The following SCNN1B variants were observed in gnomAD, a reference collection of about 807,000 sequenced individuals.
SCNN1B encodes the protein sodium channel epithelial 1 subunit beta.
Under a neutral mutation model 65.3 loss-of-function variants are expected in SCNN1B, and 46 were observed. That is an observed-to-expected ratio of 0.70 (90% CI 0.56 to 0.90). SCNN1B has a LOEUF of 0.90. Among genes scored for constraint, SCNN1B ranks in the 40% least tolerant of loss-of-function variants. The pLI is 0.00. For synonymous variants in SCNN1B, 349 were observed against 330.6 expected (o/e 1.06, Z -0.60); for missense variants, 751 against 830.5 (o/e 0.90, Z 1.18).
chr16:23,377,418 C>T (rs1178029405), intron 10 of SCNN1B, 32 bp downstream of exon 10: 4 of 1,611,034 alleles, frequency 2.5e-6, no homozygotes, highest in Non-Finnish European at 2.5e-6. Flanking sequence ...CTCCTGGCTC[C>T]CACCTTTGGC....
intron 4 of SCNN1B, 46 bp downstream of exon 4, chr16:23,355,535 G>C: frequency 1.3e-6 from 2 of 1,593,936 alleles, no homozygotes; most frequent in Non-Finnish European, 1.7e-6. Context: ...GGCACCGAGA[G>C]ACAGTGGCAT....
chr16:23,320,329 C>T lies in SCNN1B; in HGVS notation c.-9+17892C>T, dbSNP rs770400906. ...AGGATTTCCCTTTCTAACAAGCTCT[C>T]GGGTGATGCTGTTTCAGCCAATCTG... On this transcript the variant is annotated intron_variant, in intron 1 of 12. Transcript: ENST00000343070. Among the ~76,000 whole-genome samples, 7 of 152,246 alleles carry T rather than the reference C, an allele frequency of 4.6e-5. No homozygotes were observed. The Middle Eastern group carries it at 0.01, about 222-fold the overall frequency.
rs1266490604 is a variant in SCNN1B, at chr16:23,286,517, G to A, written n.178+2713G>A. 2.6e-5 allele frequency among the ~76,000 whole-genome samples: 4 copies of A among 152,352 alleles called. No homozygotes were observed. In the East Asian group the frequency reaches 7.7e-4, roughly 29 times the overall value. ...CCTTTCATTTTGAGCTTTCTGGTGTGATGCAAGAGCATACTTATAACACCA... is the reference window on the plus strand; with the variant it reads ...CCTTTCATTTTGAGCTTTCTGGTGTAATGCAAGAGCATACTTATAACACCA... On this transcript the variant is annotated intron_variant and non_coding_transcript_variant, in intron 2 of 3. Coordinates refer to the SCNN1B transcript ENST00000569789.
At chr16:23,365,449 GAGA>G (rs148863960) in intron 4 of SCNN1B, among the ~76,000 whole-genome samples, 5,039 of 140,530 alleles carry the variant, frequency 0.036, 283 homozygotes, top group African/African-American at 0.13. Flanking sequence ...AAGAAAGAAA[GAGA>G]AGGAGAAAGA....
chr16:23,308,417 G>A (rs1961266640), intron 1 of SCNN1B, among the ~76,000 whole-genome samples: 2 of 151,964 alleles, frequency 1.3e-5, no homozygotes, highest in South Asian at 2.1e-4. Flanking sequence ...TAGCTACTCT[G>A]GAGGCTGAGG....
At chr16:23,314,185 A>G (rs1403537057) in intron 1 of SCNN1B, among the ~76,000 whole-genome samples, 2 of 151,900 alleles carry the variant, frequency 1.3e-5, no homozygotes, top group Non-Finnish European at 2.9e-5. Context: ...ACGGCCAGCT[A>G]ACTTTTTTAT....
chr16:23,377,365 C>G lies in SCNN1B; in HGVS notation c.1383C>G (p.Asp461Glu), dbSNP rs759662463. Residue 461 changes from aspartate to glutamate, a missense_variant, in exon 10 of 13, where the codon GAC (aspartate) becomes GAG (glutamate). By Grantham distance (45) the Asp-to-Glu change is conservative. Coordinates refer to ENST00000343070, the MANE Select transcript of SCNN1B (RefSeq NM_000336.3). The stretch of plus-strand genomic sequence containing the variant: ...ACAAGATGACCATCTCCATGGCTGA[C>G]TGGCCTTCTGAGGCCTCCGAGGTGA... ...TQYKMTISMA[D>E]WPSEASEDWI... 9 of 1,614,224 alleles carry G rather than the reference C, an allele frequency of 5.6e-6. No individual in the cohort carries two copies. In the South Asian group the frequency reaches 9.9e-5, roughly 18 times the overall value.
At position 23,380,671 on chromosome 16, in the gene SCNN1B, G is replaced by A; in HGVS notation, c.1793G>A (p.Ser598Asn). ...TTCCAGCCTGACACGGCCCCCCGCAGCCCCAACACTGGGCCCTACCCCAGT... is the reference window on the plus strand; with the variant it reads ...TTCCAGCCTGACACGGCCCCCCGCAACCCCAACACTGGGCCCTACCCCAGT... ...FGFQPDTAPRSPNTGPYPSEQ... is the reference protein window; with the variant it reads ...FGFQPDTAPRNPNTGPYPSEQ... Residue 598 changes from serine to asparagine, a missense_variant, in exon 13 of 13, where the codon AGC (serine) becomes AAC (asparagine). Ser to Asn is a conservative substitution (Grantham distance 46). Transcript: ENST00000343070. This position sits in a 1 kb window ranked among gnomAD's most constrained non-coding sequence, Gnocchi z 5.4. 1.2e-6 allele frequency: 2 copies of A among 1,612,540 alleles called. No individual in the cohort carries two copies. Among genetic ancestry groups the A allele is most frequent in the Non-Finnish European group, 1.7e-6 (2 of 1,179,504 alleles).
In SCNN1B at chr16:23,375,786, T is replaced by C; in HGVS notation, c.1201T>C (p.Cys401Arg). 1 of 1,614,232 alleles carries C rather than the reference T, an allele frequency of 6.2e-7. No homozygotes were observed. The highest frequency in any genetic ancestry group is 8.5e-7 in the Non-Finnish European group (1 of 1,180,026). ...FQDHMIRNCN[C>R]GHYLYPLPRG... Reference sequence around the variant, plus strand: ...AGACCACATGATCCGTAACTGCAACTGTGGCCACTACCTGTACCCACTGCC... The same window carrying C: ...AGACCACATGATCCGTAACTGCAACCGTGGCCACTACCTGTACCCACTGCC... Residue 401 changes from cysteine (C) to arginine (R), a missense_variant, in exon 8 of 13, where the codon TGT becomes CGT. Coordinates refer to ENST00000343070, the MANE Select transcript of SCNN1B (RefSeq NM_000336.3).
intron 1 of SCNN1B, among the ~76,000 whole-genome samples, chr16:23,311,847 A>G (rs1279090458): frequency 6.6e-6 from 1 of 152,106 alleles, no homozygotes; most frequent in African/African-American, 2.4e-5. Flanking sequence ...AGAGGAAAGG[A>G]GATAGGGAAG....
At chr16:23,365,001 C>G in intron 4 of SCNN1B, among the ~76,000 whole-genome samples, 1 of 152,040 alleles carries the variant, frequency 6.6e-6, no homozygotes, top group Non-Finnish European at 1.5e-5. Flanking sequence ...TGGCAGGCAC[C>G]TATAATCCCA....
chr16:23,297,059 A>G (rs980223497), intron 2 of SCNN1B, among the ~76,000 whole-genome samples: 4 of 151,892 alleles, frequency 2.6e-5, no homozygotes, highest in African/African-American at 9.7e-5. Flanking sequence ...GATCAATGGA[A>G]TAAGGATTCC....
At chr16:23,364,175 T>A (rs950576682) in intron 4 of SCNN1B, among the ~76,000 whole-genome samples, 29 of 151,966 alleles carry the variant, frequency 1.9e-4, no homozygotes, top group South Asian at 2.1e-4. Flanking sequence ...TCAAAATAAA[T>A]AAATAAATAA....
intron 1 of SCNN1B, among the ~76,000 whole-genome samples, chr16:23,341,740 A>C (rs980653328): frequency 3.9e-5 from 6 of 152,230 alleles, no homozygotes; most frequent in Non-Finnish European, 4.4e-5. Flanking sequence ...TCAACATCAT[A>C]GCTATCAGGA....
chr16:23,332,517 A>G (rs1961835283), intron 1 of SCNN1B, among the ~76,000 whole-genome samples: 1 of 151,882 alleles, frequency 6.6e-6, no homozygotes, highest in South Asian at 2.1e-4. Context: ...TTTTTTGTAG[A>G]GACGGGATCT....
At chr16:23,371,256 T>C (rs771288385) in intron 5 of SCNN1B, 43 bp from the exon 6 acceptor site, 10 of 1,609,748 alleles carry the variant, frequency 6.2e-6, no homozygotes, top group Middle Eastern at 1.7e-4. Context: ...CCTTTCTGCC[T>C]CAGGAGAAAG....
chr16:23,282,030 G>GA (rs955155312), intron 1 of SCNN1B, among the ~76,000 whole-genome samples: 6 of 151,952 alleles, frequency 3.9e-5, no homozygotes, highest in South Asian at 2.1e-4. Context: ...CGTCTCTACA[G>GA]AAAAAATACA....
rs1043654087 is a variant in SCNN1B, at chr16:23,341,386, C to G, written c.-8-7206C>G. Among the ~76,000 whole-genome samples, 5 of 152,010 alleles carry G rather than the reference C, an allele frequency of 3.3e-5. No individual in the cohort carries two copies. In the East Asian group the frequency reaches 9.6e-4, roughly 29 times the overall value. On this transcript the variant is annotated intron_variant, in intron 1 of 12. Coordinates refer to ENST00000343070, the MANE Select transcript of SCNN1B (RefSeq NM_000336.3). ...AAAGCATAGAAACAGATCTTCAGGA[C>G]CTTGGATTAGGCAATAGAGTCTTAG...
intron 2 of SCNN1B, among the ~76,000 whole-genome samples, chr16:23,290,811 G>A (rs887894609): frequency 6.6e-6 from 1 of 152,078 alleles, no homozygotes; most frequent in African/African-American, 2.4e-5. Flanking sequence ...TTCCCAGCAC[G>A]AACCAGTGAT....
Sources: allele counts gnomAD v4.1 joint callset (sites outside exome capture counted in the v4.1 genomes callset), GRCh38; gene constraint gnomAD v4.1.1; non-coding constraint Gnocchi (gnomAD v3.1); transcripts MANE v1.5; gene names NCBI Gene and HGNC (gene_info 2026-07-23, HGNC 2026-07-21).